The following REL variants were observed in gnomAD, a reference collection of about 807,000 sequenced individuals.
The protein encoded by REL is proto-oncogene c-Rel.
In REL, 15 loss-of-function variants were observed where a neutral mutation model predicts 45.9. The ratio of observed to expected loss-of-function variants is 0.33; its 90% CI spans 0.22 to 0.50. The LOEUF is 0.50. Ranked by LOEUF, REL falls within the 20% of genes least tolerant of loss-of-function variation. REL has a pLI of 0.98. For synonymous variants in REL, 239 were observed against 242.1 expected (o/e 0.99, Z 0.12); for missense variants, 601 against 715.2 (o/e 0.84, Z 1.82).
intron 4 of REL, among the ~76,000 whole-genome samples, chr2:60,901,622 TCA>T (rs1465535312): frequency 6.6e-6 from 1 of 152,208 alleles, no homozygotes. Context: ...TTGGAGAGTG[TCA>T]CTGTTTTATA....
At chr2:60,894,225 C>G (rs1385726071) in intron 2 of REL, among the ~76,000 whole-genome samples, 172 bp from the exon 3 acceptor site, 1 of 152,006 alleles carries the variant, frequency 6.6e-6, no homozygotes, top group Non-Finnish European at 1.5e-5. Flanking sequence ...GTAAGTTTTT[C>G]TGTACTGGTA....
chr2:60,901,228 T>C (rs1472621749), intron 4 of REL, 145 bp downstream of exon 4: 1 of 1,059,234 alleles, frequency 9.4e-7, no homozygotes, highest in African/African-American at 1.8e-5. Context: ...CGATCTCAGC[T>C]CACTGCAACC....
chr2:60,915,794 A>G (rs1013134469), intron 4 of REL, among the ~76,000 whole-genome samples: 2 of 152,238 alleles, frequency 1.3e-5, no homozygotes, highest in Non-Finnish European at 2.9e-5. Flanking sequence ...TACTAATTTA[A>G]CAAACTATTA....
At chr2:60,918,339 T>C in intron 6 of REL, 44 bp downstream of exon 6, 1 of 1,556,304 alleles carries the variant, frequency 6.4e-7, no homozygotes, top group African/African-American at 1.4e-5. Flanking sequence ...TTTAGATTAA[T>C]AGATGCAGTT....
intron 4 of REL, among the ~76,000 whole-genome samples, chr2:60,907,733 C>G (rs534701822): frequency 6.6e-5 from 10 of 151,834 alleles, no homozygotes; most frequent in Admixed American, 5.9e-4. Context: ...CTCTGTTGCC[C>G]AGGCTGGAGT....
rs1401732528 is a variant in REL at position 60,917,037 on chromosome 2, A to G, written c.535+20A>G. On this transcript the variant is annotated intron_variant, in intron 5 of 9. Transcript: ENST00000394479. ...ACAACCGTAAGTACTTCATTTTCTT[A>G]TATTTGTAGTCTTAACTTGTTTTTT... 9 of 1,591,622 alleles carry G rather than the reference A, an allele frequency of 5.7e-6. No individual in the cohort carries two copies. The highest frequency in any genetic ancestry group is 4.5e-5 in the East Asian group (2 of 44,720).
chr2:60,930,379 T>C lies in REL; in HGVS notation c.*7844T>C, dbSNP rs1453877414. The C allele has an allele frequency of 6.6e-6, 1 of 152,358 alleles. No individual in the cohort carries two copies. Among genetic ancestry groups the C allele is most frequent in the Non-Finnish European group, 1.5e-5 (1 of 68,042 alleles). 9.4% of individuals were successfully genotyped at this position (152,358 alleles called of 1,614,324 possible). A position where few individuals can be genotyped will look rare whatever the true frequency, so the allele number is the denominator to read the frequency against. On this transcript the variant is annotated 3_prime_UTR_variant, in exon 10 of 10. Coordinates refer to ENST00000394479, the MANE Select transcript of REL (RefSeq NM_001291746.2). ...ACCTGAGATGGACTTCTCATTAGCA[T>C]TAACTAGTTATTGCCCAGCTTTGGA...
chr2:60,884,075 C>A (rs1245750148), intron 1 of REL, among the ~76,000 whole-genome samples: 6 of 119,872 alleles, frequency 5.0e-5, no homozygotes, highest in Admixed American at 2.7e-4. Flanking sequence ...TGTTTTGAAA[C>A]AGTAATTTAA....
chr2:60,898,369 T>C (rs1673409533), intron 3 of REL, among the ~76,000 whole-genome samples: 1 of 152,240 alleles, frequency 6.6e-6, no homozygotes, highest in Non-Finnish European at 1.5e-5. Context: ...TCTATTAAAC[T>C]CTGCTTTCCT....
At position 60,918,606 on chromosome 2, in the gene REL, G is replaced by A; in HGVS notation, c.853G>A (p.Asp285Asn). 6.2e-7 allele frequency: 1 copy of A among 1,601,202 alleles called. No homozygotes were observed. The change falls in exon 7 of 10, where the codon GAT becomes AAT. Residue 285 changes from aspartate (D) to asparagine (N), a missense_variant and splice_region_variant. Physicochemically the swap from Asp to Asn is conservative, Grantham distance 23. Around this residue, in one of 4 missense-constraint regions of REL, gnomAD observed 241 missense variants for 347.0 expected, o/e 0.69. Coordinates refer to ENST00000394479, the MANE Select transcript of REL (RefSeq NM_001291746.2). ...TTTTAGATATCTGCCAGATGAAAAA[G>A]GTATGACATTTTGCTGGTAATAATT... The part of the protein sequence containing the change: ...MDFRYLPDEK[D>N]TYGNKAKKQK...
Position 60,918,276 on chromosome 2 carries a change from T to C in REL, c.621T>C (p.Leu207=). The change falls in exon 6 of 10, where the codon CTT becomes CTC. Residue 207 remains leucine, a synonymous_variant. Transcript: ENST00000394479. ...GAGGAGGAGATGAAATATTTCTACT[T>C]TGTGACAAAGTTCAGAAAGGTATTT... ...SVRGGDEIFL[L]CDKVQKDDIE... is the part of the protein sequence containing the mutation. The C allele has an allele frequency of 6.2e-7, 1 of 1,602,384 alleles. No homozygotes were observed. The highest frequency in any genetic ancestry group is 8.5e-7 in the Non-Finnish European group (1 of 1,171,512).
chr2:60,891,168 C>T (rs1230504472), intron 1 of REL, among the ~76,000 whole-genome samples: 1 of 152,152 alleles, frequency 6.6e-6, no homozygotes, highest in Non-Finnish European at 1.5e-5. Context: ...AAAAAACTTA[C>T]ATATGCTTCT....
In REL at chr2:60,923,800, A is replaced by C. The variant is rs571455713; in HGVS notation, c.*1265A>C. 4.3e-6 allele frequency: 1 copy of C among 233,114 alleles called. No homozygotes were observed. Among genetic ancestry groups the C allele is most frequent in the East Asian group, 6.0e-5 (1 of 16,576 alleles). 14.4% of individuals were successfully genotyped at this position (233,114 alleles called of 1,614,324 possible). ...GCTGTCATCTACAAAAATTCTTCTT[A>C]TATCCTTGCATTCCTACAGTCTGTT... On this transcript the variant is annotated 3_prime_UTR_variant, in exon 10 of 10. Transcript: ENST00000394479.
chr2:60,927,113 C>G lies in REL; in HGVS notation c.*4578C>G, dbSNP rs1220197029. ...TTGTACATGCCTGTATTACGGACATCCTCTTATTTAAGTGTTTGTCTCTTT... is the reference window on the plus strand; with the variant it reads ...TTGTACATGCCTGTATTACGGACATGCTCTTATTTAAGTGTTTGTCTCTTT... On this transcript the variant is annotated 3_prime_UTR_variant, in exon 10 of 10. Transcript: ENST00000394479. The G allele has an allele frequency of 4.4e-6, 1 of 226,268 alleles. No individual in the cohort carries two copies. The highest frequency in any genetic ancestry group is 1.8e-4 in the South Asian group (1 of 5,472). The allele number at this position is 226,268 out of a possible 1,614,324, so 14.0% of individuals were successfully genotyped here.
chr2:60,891,835 CCTT>C lies in REL; in HGVS notation c.153+16_153+18del. Reference sequence around the variant, plus strand: ...ATACCCTTCTATCCAGGTAATAGACCCTTCTTCTGTGTCTATCTCACTATTAGT... The same window carrying C: ...ATACCCTTCTATCCAGGTAATAGACCCTTCTGTGTCTATCTCACTATTAGT... On this transcript the variant is annotated intron_variant, in intron 2 of 9. Coordinates refer to ENST00000394479, the MANE Select transcript of REL (RefSeq NM_001291746.2). The C allele has an allele frequency of 6.2e-7, 1 of 1,601,594 alleles. No homozygotes were observed. The highest frequency in any genetic ancestry group is 8.5e-7 in the Non-Finnish European group (1 of 1,173,614).
At chr2:60,903,532 C>T (rs2103951567) in intron 4 of REL, among the ~76,000 whole-genome samples, 1 of 151,966 alleles carries the variant, frequency 6.6e-6, no homozygotes, top group African/African-American at 2.4e-5. Flanking sequence ...CATCACCATG[C>T]CCAGCTAATT....
intron 1 of REL, among the ~76,000 whole-genome samples, chr2:60,887,817 A>G (rs1673106612): frequency 6.6e-6 from 1 of 151,860 alleles, no homozygotes; most frequent in Non-Finnish European, 1.5e-5. Context: ...TTTACTATTT[A>G]AAAATATTTA....
At chr2:60,910,732 G>C (rs1016343509) in intron 4 of REL, among the ~76,000 whole-genome samples, 1 of 152,010 alleles carries the variant, frequency 6.6e-6, no homozygotes, top group Non-Finnish European at 1.5e-5. Flanking sequence ...AGGAGTTCCA[G>C]ACCACCTTGG....
chr2:60,910,354 A>G (rs1445926889), intron 4 of REL, among the ~76,000 whole-genome samples: 2 of 151,314 alleles, frequency 1.3e-5, no homozygotes, highest in Admixed American at 1.3e-4. Context: ...AGTCCCAGCT[A>G]CTCGGGAGGC....
Sources: gnomAD v4.1 joint callset for allele counts (sites outside exome capture counted in the v4.1 genomes callset) on GRCh38, gnomAD v4.1.1 for gene constraint, gnomAD v4.1.1 regional missense constraint, MANE v1.5 for transcripts, NCBI Gene and HGNC (gene_info 2026-07-23, HGNC 2026-07-21) for gene names.